Variants in PEBP4 observed in about 807,000 individuals in gnomAD.
The protein encoded by PEBP4 is phosphatidylethanolamine-binding protein 4.
A neutral mutation model predicts 23.9 loss-of-function variants in PEBP4; 22 were observed. That is an observed-to-expected ratio of 0.92 (90% CI 0.66 to 1.31). PEBP4 has a LOEUF of 1.31. Among genes scored for constraint, PEBP4 ranks in the 40% most tolerant of loss-of-function variants. The probability of loss-of-function intolerance (pLI) is 0.00; values close to 1 mark genes in which losing one functional copy is unlikely to be tolerated. For synonymous variants in PEBP4, 112 were observed against 99.3 expected (o/e 1.13, Z -0.76); for missense variants, 324 against 281.7 (o/e 1.15, Z -1.07).
At chr8:22,809,003 A>T (rs1022810117) in intron 4 of PEBP4, among the ~76,000 whole-genome samples, 1 of 152,176 alleles carries the variant, frequency 6.6e-6, no homozygotes, top group Non-Finnish European at 1.5e-5. Context: ...CAGGCAGCTC[A>T]TTCTCCTGGC....
chr8:22,860,491 T>C (rs894925277), intron 3 of PEBP4, among the ~76,000 whole-genome samples: 11 of 152,142 alleles, frequency 7.2e-5, no homozygotes, highest in African/African-American at 2.7e-4. Flanking sequence ...ACCTGTCTTT[T>C]TGTGACTGGC....
intron 3 of PEBP4, among the ~76,000 whole-genome samples, chr8:22,898,085 T>C (rs13439631): frequency 0.015 from 2,227 of 152,142 alleles, 66 homozygotes; most frequent in African/African-American, 0.051. Context: ...AGAAAATAAA[T>C]GTCTGTTGTT....
chr8:22,737,032 G>T (rs570043636), intron 4 of PEBP4, among the ~76,000 whole-genome samples: 3 of 152,274 alleles, frequency 2.0e-5, no homozygotes, highest in Admixed American at 1.3e-4. Flanking sequence ...GGTGGCTCAC[G>T]CCTGTAATTG....
chr8:22,902,722 G>C (rs989912256), intron 3 of PEBP4, among the ~76,000 whole-genome samples: 1 of 152,174 alleles, frequency 6.6e-6, no homozygotes, highest in Non-Finnish European at 1.5e-5. Flanking sequence ...TGCCCAGGAG[G>C]AGTTAAGTTT....
chr8:22,780,457 C>G (rs904024130), intron 4 of PEBP4, among the ~76,000 whole-genome samples: 1 of 152,130 alleles, frequency 6.6e-6, no homozygotes, highest in Non-Finnish European at 1.5e-5. Flanking sequence ...TAAGCACACA[C>G]AGTAGAGAGA....
chr8:22,727,895 G>A (rs543020390), intron 4 of PEBP4, among the ~76,000 whole-genome samples: 2 of 152,166 alleles, frequency 1.3e-5, no homozygotes, highest in African/African-American at 4.8e-5. Context: ...AGTGTCTATG[G>A]GATAATGAGG....
intron 5 of PEBP4, 76 bp downstream of exon 5, chr8:22,727,099 G>T: frequency 6.6e-7 from 1 of 1,516,518 alleles, no homozygotes; most frequent in Non-Finnish European, 9.1e-7. Flanking sequence ...CGACAAAGCA[G>T]CACCATGAGG....
intron 4 of PEBP4, chr8:22,755,584 C>A (rs1232892077): frequency 6.6e-6 from 1 of 152,174 alleles, no homozygotes; most frequent in African/African-American, 2.4e-5. Flanking sequence ...AATCCATCCA[C>A]CTTGGCCTCC....
chr8:22,893,644 TTGTC>T (rs1195972901), intron 3 of PEBP4, among the ~76,000 whole-genome samples: 1 of 152,176 alleles, frequency 6.6e-6, no homozygotes, highest in African/African-American at 2.4e-5. Flanking sequence ...AACAATTTCA[TTGTC>T]TGTGATGAAG....
At chr8:22,899,576 A>G (rs1585332202) in intron 3 of PEBP4, among the ~76,000 whole-genome samples, 1 of 151,816 alleles carries the variant, frequency 6.6e-6, no homozygotes, top group South Asian at 2.1e-4. Context: ...CCTGCGACTC[A>G]CCCCGTTACC....
chr8:22,728,086 C>G (rs1259159362), intron 4 of PEBP4, among the ~76,000 whole-genome samples: 1 of 152,240 alleles, frequency 6.6e-6, no homozygotes, highest in East Asian at 1.9e-4. Flanking sequence ...TAGCGTGACT[C>G]TTAATTGAGT....
In PEBP4 at chr8:22,730,865, T is replaced by C. The variant is rs144061239; in HGVS notation, c.358-3645A>G. ...CCCCTAACAGGTATTGATTCTATGG[T>C]AGAAATTTAAGCCCCTCCAGGACTG... On this transcript the variant is annotated intron_variant, in intron 4 of 6. Coordinates refer to ENST00000256404, the MANE Select transcript of PEBP4 (RefSeq NM_144962.3). 2.4e-4 allele frequency among the ~76,000 whole-genome samples: 37 copies of C among 152,270 alleles called. 2 individuals are homozygous for C. In the East Asian group the frequency reaches 6.8e-3, roughly 28 times the overall value.
intron 3 of PEBP4, among the ~76,000 whole-genome samples, chr8:22,872,855 T>G (rs1273394189): frequency 1.3e-5 from 2 of 152,016 alleles, no homozygotes; most frequent in Non-Finnish European, 2.9e-5. Context: ...TTTTGTATTT[T>G]TAGTAGAGAC....
At chr8:22,900,392 T>C (rs1808688486) in intron 3 of PEBP4, among the ~76,000 whole-genome samples, 1 of 152,188 alleles carries the variant, frequency 6.6e-6, no homozygotes, top group Non-Finnish European at 1.5e-5. Context: ...CTCACGCCTG[T>C]AATCCCAGCA....
At chr8:22,855,104 T>C (rs1807618056) in intron 3 of PEBP4, among the ~76,000 whole-genome samples, 1 of 151,924 alleles carries the variant, frequency 6.6e-6, no homozygotes, top group South Asian at 2.1e-4. Context: ...GGTCCAGGTG[T>C]GAACAGCATA....
chr8:22,892,951 G>A (rs1192978674), intron 3 of PEBP4, among the ~76,000 whole-genome samples: 1 of 152,210 alleles, frequency 6.6e-6, no homozygotes, highest in East Asian at 1.9e-4. Context: ...AGTCCAAGGG[G>A]GTTAAGGTGG....
intron 4 of PEBP4, among the ~76,000 whole-genome samples, chr8:22,751,382 G>T (rs1034237864): frequency 1.3e-5 from 2 of 152,166 alleles, no homozygotes; most frequent in African/African-American, 4.8e-5. Flanking sequence ...GCAAATCCTG[G>T]TTGCCTTGGG....
chr8:22,940,635 A>C (rs1457465273), intron 1 of PEBP4, among the ~76,000 whole-genome samples: 1 of 151,750 alleles, frequency 6.6e-6, no homozygotes, highest in Non-Finnish European at 1.5e-5. Context: ...ACTACAGGTG[A>C]CCACCACCAC....
At chr8:22,835,166 C>T (rs1267708611) in intron 3 of PEBP4, among the ~76,000 whole-genome samples, 1 of 152,146 alleles carries the variant, frequency 6.6e-6, no homozygotes, top group Non-Finnish European at 1.5e-5. Flanking sequence ...TTTACTGTCA[C>T]TAAGGTATAG....
Sources: allele counts gnomAD v4.1 joint callset (sites outside exome capture counted in the v4.1 genomes callset), GRCh38; gene constraint gnomAD v4.1.1; transcripts MANE v1.5; gene names NCBI Gene and HGNC (gene_info 2026-07-23, HGNC 2026-07-21).